The following ADGRG6 variants were observed in gnomAD, a reference collection of about 807,000 sequenced individuals.
ADGRG6 encodes the protein adhesion G protein-coupled receptor G6.
In ADGRG6, 84 loss-of-function variants were observed where a neutral mutation model predicts 142.4. The ratio of observed to expected loss-of-function variants is 0.59; its 90% confidence interval spans 0.49 to 0.71. ADGRG6 has a LOEUF of 0.71. Among genes scored for constraint, ADGRG6 ranks in the 30% least tolerant of loss-of-function variants. The probability of loss-of-function intolerance (pLI) is 0.00; values close to 1 mark genes in which losing one functional copy is unlikely to be tolerated. For missense variants in ADGRG6, 1,367 were observed against 1,466.6 expected (o/e 0.93, Z 1.11); for synonymous variants, 521 against 520.5 (o/e 1.00, Z -0.01).
chr6:142,383,173 C>T (rs943302915), intron 5 of ADGRG6, among the ~76,000 whole-genome samples: 7 of 152,152 alleles, frequency 4.6e-5, no homozygotes, highest in Admixed American at 4.6e-4. Context: ...CCTTATAAAG[C>T]TTGCCCTGTG....
intron 2 of ADGRG6, among the ~76,000 whole-genome samples, chr6:142,362,950 G>A (rs1158416031): frequency 2.6e-5 from 4 of 152,176 alleles, no homozygotes; most frequent in Middle Eastern, 3.4e-3. Flanking sequence ...TCATGTGTTA[G>A]AACTTAATAT....
At chr6:142,420,806 AG>A (rs1302876721) in intron 22 of ADGRG6, among the ~76,000 whole-genome samples, 1 of 152,150 alleles carries the variant, frequency 6.6e-6, no homozygotes, top group Non-Finnish European at 1.5e-5. Context: ...TTTAAGCTTA[AG>A]GGAATATAAA....
intron 4 of ADGRG6, among the ~76,000 whole-genome samples, chr6:142,374,996 A>T (rs1781434064): frequency 6.6e-6 from 1 of 152,116 alleles, no homozygotes; most frequent in African/African-American, 2.4e-5. Flanking sequence ...TGTACAATAG[A>T]TTTCTTGAAT....
chr6:142,417,503 T>C (rs1776427063), intron 21 of ADGRG6, 134 bp downstream of exon 21: 5 of 605,890 alleles, frequency 8.3e-6, no homozygotes, highest in Non-Finnish European at 1.5e-5. Flanking sequence ...AAATCTCTGC[T>C]ACACCACAGA....
rs552904567 is a variant in ADGRG6 at position 142,336,420 on chromosome 6, A to G, written c.103+26776A>G. ...TTTCATCATACATACAGATAACACC[A>G]TAATTTTGGAGTACTTAAAGGTTTG... On this transcript the variant is annotated intron_variant, in intron 2 of 24. Coordinates refer to ENST00000367609, the MANE Select transcript of ADGRG6 (RefSeq NM_198569.3). Among the ~76,000 whole-genome samples the G allele has an allele frequency of 2.6e-5, 4 of 152,290 alleles. No homozygotes were observed. The South Asian group carries it at 8.3e-4, about 32-fold the overall frequency.
Position 142,364,632 on chromosome 6 carries a change from C to T in ADGRG6, c.104-2937C>T, listed in dbSNP as rs1312555560. Reference sequence around the variant, plus strand: ...GGGAAGTGGTTGCTGTTATTATCACCAGTGTAAAGGTGGAGAAACTGAGGC... The same window carrying T: ...GGGAAGTGGTTGCTGTTATTATCACTAGTGTAAAGGTGGAGAAACTGAGGC... On this transcript the variant is annotated intron_variant, in intron 2 of 24. Coordinates refer to ENST00000367609, the MANE Select transcript of ADGRG6 (RefSeq NM_198569.3). 2.6e-5 allele frequency among the ~76,000 whole-genome samples: 4 copies of T among 152,222 alleles called. No individual in the cohort carries two copies. In the East Asian group the frequency reaches 7.7e-4, roughly 29 times the overall value.
Position 142,302,319 on chromosome 6 carries a change from G to T in ADGRG6, c.-11G>T. 1 of 1,613,094 alleles carries T rather than the reference G, an allele frequency of 6.2e-7. No individual in the cohort carries two copies. The highest frequency in any genetic ancestry group is 8.5e-7 in the Non-Finnish European group (1 of 1,179,472). ...TGCGGCCAAAGGGGACCTCGGCGCA[G>T]TAATGTCAACATGTAAGTCTCACCT... On this transcript the variant is annotated 5_prime_UTR_variant, in exon 1 of 25. Coordinates refer to ENST00000367609, the MANE Select transcript of ADGRG6 (RefSeq NM_198569.3).
intron 18 of ADGRG6, 92 bp from the exon 19 acceptor site, chr6:142,414,877 G>T: frequency 9.9e-7 from 1 of 1,006,952 alleles, no homozygotes; most frequent in African/African-American, 1.6e-5. Flanking sequence ...AGAGTAAGCT[G>T]CTCTAATGTT....
chr6:142,352,591 G>A (rs1313869302), intron 2 of ADGRG6, among the ~76,000 whole-genome samples: 1 of 152,016 alleles, frequency 6.6e-6, no homozygotes, highest in Non-Finnish European at 1.5e-5. Flanking sequence ...CAAACCACCT[G>A]TACCCTCTGA....
chr6:142,439,464 A>C (rs549207069), intron 24 of ADGRG6, among the ~76,000 whole-genome samples: 1 of 152,316 alleles, frequency 6.6e-6, no homozygotes, highest in South Asian at 2.1e-4. Context: ...CATATTGCAA[A>C]TACTTGAATT....
intron 2 of ADGRG6, among the ~76,000 whole-genome samples, chr6:142,314,990 G>T (rs921414607): frequency 1.3e-5 from 2 of 151,870 alleles, no homozygotes; most frequent in South Asian, 2.1e-4. Flanking sequence ...GTGTGTGTGT[G>T]TGTGTGTGTG....
At chr6:142,380,560 C>T (rs1160327473) in intron 4 of ADGRG6, among the ~76,000 whole-genome samples, 1 of 152,182 alleles carries the variant, frequency 6.6e-6, no homozygotes, top group Non-Finnish European at 1.5e-5. Flanking sequence ...TTTAGCAAAG[C>T]CCAGTGACTT....
intron 2 of ADGRG6, among the ~76,000 whole-genome samples, chr6:142,336,971 G>A (rs1441418964): frequency 1.3e-5 from 2 of 152,184 alleles, no homozygotes; most frequent in African/African-American, 2.4e-5. Flanking sequence ...GCAAGTGAGA[G>A]AGCTAAAGTG....
At chr6:142,387,783 A>G (rs1025283839) in intron 6 of ADGRG6, among the ~76,000 whole-genome samples, 2 of 152,222 alleles carry the variant, frequency 1.3e-5, no homozygotes, top group African/African-American at 2.4e-5. Context: ...TGTTGTTTTG[A>G]TACATTGGTA....
chr6:142,405,908 G>A (rs1775780748), intron 15 of ADGRG6, 80 bp downstream of exon 15: 2 of 1,010,448 alleles, frequency 2.0e-6, no homozygotes, highest in Admixed American at 3.3e-5. Context: ...TTTAGATTCT[G>A]TTGAAATATA....
At position 142,370,396 on chromosome 6, in the gene ADGRG6, A is replaced by G. The variant is rs762763083; in HGVS notation, c.672A>G (p.Leu224=). The G allele has an allele frequency of 1.9e-6, 3 of 1,613,616 alleles. No individual in the cohort carries two copies. The highest frequency in any genetic ancestry group is 2.2e-5 in the East Asian group (1 of 44,874). ...SFGKAKSGYF[L]SISDSKCLLN... ...GAAAGGCCAAGAGTGGCTACTTTCTATCCATTTCTGATTCAAAATGTTTGT... is the reference window on the plus strand; with the variant it reads ...GAAAGGCCAAGAGTGGCTACTTTCTGTCCATTTCTGATTCAAAATGTTTGT... The change falls in exon 4 of 25, where the codon CTA becomes CTG. Residue 224 remains leucine, a synonymous_variant. Coordinates refer to ENST00000367609, the MANE Select transcript of ADGRG6 (RefSeq NM_198569.3).
chr6:142,411,472 T>C, intron 18 of ADGRG6, 61 bp downstream of exon 18: 2 of 821,954 alleles, frequency 2.4e-6, no homozygotes, highest in East Asian at 2.4e-5. Context: ...CATACTCCTT[T>C]TTTGTATGTA....
chr6:142,316,473 G>C (rs1265616938), intron 2 of ADGRG6, among the ~76,000 whole-genome samples: 1 of 152,034 alleles, frequency 6.6e-6, no homozygotes. Context: ...TCCTTACCTG[G>C]CCAAAACTTG....
chr6:142,373,375 C>CATATTTGTTTCAAACAAATA (rs138474506), intron 4 of ADGRG6, among the ~76,000 whole-genome samples: 14,860 of 151,786 alleles, frequency 0.098, 790 homozygotes, highest in East Asian at 0.24. Flanking sequence ...AGTGTGTTAA[C>CATATTTGTTTCAAACAAATA]ATATTTGTTT....
Sources: gnomAD v4.1 joint callset for allele counts (sites outside exome capture counted in the v4.1 genomes callset) on GRCh38, gnomAD v4.1.1 for gene constraint, MANE v1.5 for transcripts, NCBI Gene and HGNC (gene_info 2026-07-23, HGNC 2026-07-21) for gene names.